Variants in TP53AIP1 observed in about 807,000 individuals in gnomAD.
The protein encoded by TP53AIP1 is tumor protein p53 regulated apoptosis inducing protein 1, also known as p53-regulated apoptosis-inducing protein 1.
In TP53AIP1, 14 loss-of-function variants were observed where a neutral mutation model predicts 9.5. The ratio of observed to expected loss-of-function variants is 1.47; its 90% CI spans 0.97 to 2.30. The LOEUF is 2.30. TP53AIP1 is among the 30% of genes most tolerant of loss of function. The pLI is 0.00. For synonymous variants in TP53AIP1, 73 were observed against 61.2 expected, an observed-to-expected ratio of 1.19 and a Z score of -0.90; for missense variants, 153 against 146.7, an observed-to-expected ratio of 1.04 and a Z score of -0.22.
Position 128,935,510 on chromosome 11 carries a change from T to TTCTG in TP53AIP1, c.*77_*80dup, listed in dbSNP as rs1944797239. On this transcript the variant is annotated 3_prime_UTR_variant, in exon 4 of 4. Coordinates refer to ENST00000531399, the MANE Select transcript of TP53AIP1 (RefSeq NM_022112.3). ...GCTGGAGCCATTTCTCGACGGTGCT[T>TTCTG]TCTGTTTGTTTGTTTGTTTTTGTTT... The TTCTG allele has an allele frequency of 3.6e-6, 5 of 1,390,638 alleles. No individual in the cohort carries two copies. The highest frequency in any genetic ancestry group is 1.4e-5 in the South Asian group (1 of 69,450). The allele number at this position is 1,390,638 out of a possible 1,614,324, so 86.1% of individuals were successfully genotyped here.
rs1944904492 is a variant in TP53AIP1, at chr11:128,939,709, C to T, written c.-76-1815G>A. Among the ~76,000 whole-genome samples the T allele has an allele frequency of 6.6e-6, 1 of 152,204 alleles. No homozygotes were observed. The highest frequency in any genetic ancestry group is 2.4e-5 in the African/African-American group (1 of 41,438). On this transcript the variant is annotated intron_variant, in intron 1 of 3. Coordinates refer to ENST00000531399, the MANE Select transcript of TP53AIP1 (RefSeq NM_022112.3). This position sits in a 1 kb window ranked among gnomAD's most constrained non-coding sequence, Gnocchi z 4.1. ...TCTTAATGCAAGAGGGACTGTGGCT[C>T]TTCTGGAAACACGATGCCTCGGTGC...
At chr11:128,940,839 C>T (rs919243353) in intron 1 of TP53AIP1, among the ~76,000 whole-genome samples, 2 of 152,306 alleles carry the variant, frequency 1.3e-5, no homozygotes, top group Admixed American at 6.5e-5. Context: ...TCTCGAGGGG[C>T]GTTCATGTCA....
Position 128,937,613 on chromosome 11 carries a change from G to C in TP53AIP1, c.141+65C>G, listed in dbSNP as rs1944854491. The C allele has an allele frequency of 1.2e-6, 2 of 1,614,056 alleles. No individual in the cohort carries two copies. Among genetic ancestry groups the C allele is most frequent in the Non-Finnish European group, 1.7e-6 (2 of 1,180,046 alleles). On this transcript the variant is annotated intron_variant, in intron 2 of 3. Transcript: ENST00000531399. This position sits in a 1 kb window ranked among gnomAD's most constrained non-coding sequence, Gnocchi z 4.8. ...ACTTGGGATGTCGGCACCACGGTGA[G>C]AGCAGAGTCTGCCCGGGGCTGTGGC...
rs888563483 is a variant in TP53AIP1 at position 128,939,477 on chromosome 11, C to T, written c.-76-1583G>A. ...GAGTTTGAGCTGGTGCCTACACCTC[C>T]GTCTTCCAGCCACTGAAAACAGGAT... On this transcript the variant is annotated intron_variant, in intron 1 of 3. Coordinates refer to ENST00000531399, the MANE Select transcript of TP53AIP1 (RefSeq NM_022112.3). This position sits in a 1 kb window ranked among gnomAD's most constrained non-coding sequence, Gnocchi z 4.1. Among the ~76,000 whole-genome samples the T allele has an allele frequency of 2.0e-5, 3 of 152,178 alleles. No homozygotes were observed. Among genetic ancestry groups the T allele is most frequent in the Admixed American group, 6.5e-5 (1 of 15,280 alleles).
intron 3 of TP53AIP1, chr11:128,936,329 A>T: frequency 7.3e-7 from 1 of 1,368,258 alleles, no homozygotes; most frequent in Admixed American, 3.4e-5. Context: ...GTGTACCGTT[A>T]CCTTTTATTT....
downstream of TP53AIP1, chr11:128,934,944 A>T (rs1298314062): frequency 1.4e-6 from 1 of 701,042 alleles, no homozygotes; most frequent in Non-Finnish European, 2.6e-6. Context: ...TTACACACCA[A>T]TGCTTTTCCC....
At chr11:128,938,516 T>C (rs1254440251) in intron 1 of TP53AIP1, among the ~76,000 whole-genome samples, 1 of 152,182 alleles carries the variant, frequency 6.6e-6, no homozygotes, top group Non-Finnish European at 1.5e-5. Flanking sequence ...CCAGGGAAGC[T>C]GGTGCCCTCA....
chr11:128,937,047 C>T lies in TP53AIP1; in HGVS notation c.142-398G>A, dbSNP rs930647636. On this transcript the variant is annotated intron_variant, in intron 2 of 3. Transcript: ENST00000531399. This position sits in a 1 kb window ranked among gnomAD's most constrained non-coding sequence, Gnocchi z 4.8. ...AGGGAGGTGTAGGCGCTCCTGGCTCCTGGCAGACTCCTGGCCCAGGCCTGG... is the reference window on the plus strand; with the variant it reads ...AGGGAGGTGTAGGCGCTCCTGGCTCTTGGCAGACTCCTGGCCCAGGCCTGG... 34 of 1,052,974 alleles carry T rather than the reference C, an allele frequency of 3.2e-5. No homozygotes were observed. Among genetic ancestry groups the T allele is most frequent in the Admixed American group, 1.5e-4 (3 of 20,404 alleles). 65.2% of individuals were successfully genotyped at this position (1,052,974 alleles called of 1,614,324 possible).
At chr11:128,934,899 G>A (rs1591461934), downstream of TP53AIP1, 1 of 682,706 alleles carries the variant, frequency 1.5e-6, no homozygotes. Context: ...GTAGACTATG[G>A]CTCAGCTGCA....
chr11:128,935,314 C>A, downstream of TP53AIP1: 3 of 1,417,558 alleles, frequency 2.1e-6, no homozygotes, highest in Non-Finnish European at 2.7e-6. Context: ...GGAGATGCAT[C>A]GTTTTTAGTT....
chr11:128,936,927 A>G, intron 2 of TP53AIP1: 1 of 1,204,976 alleles, frequency 8.3e-7, no homozygotes, highest in Non-Finnish European at 1.0e-6. Context: ...CCTCCCTCCC[A>G]TCACCACAGC....
Position 128,939,158 on chromosome 11 carries a change from G to A in TP53AIP1, c.-76-1264C>T, listed in dbSNP as rs914961986. On this transcript the variant is annotated intron_variant, in intron 1 of 3. Coordinates refer to ENST00000531399, the MANE Select transcript of TP53AIP1 (RefSeq NM_022112.3). The surrounding 1 kb of genome is among the most constrained non-coding windows in gnomAD (Gnocchi z 4.1). ...TACGAAAATGTAAAAGAACGAACACGGCTTCAATACCAGGATTGAGCCCAA... is the reference window on the plus strand; with the variant it reads ...TACGAAAATGTAAAAGAACGAACACAGCTTCAATACCAGGATTGAGCCCAA... 6.6e-6 allele frequency among the ~76,000 whole-genome samples: 1 copy of A among 152,244 alleles called. No homozygotes were observed. Among genetic ancestry groups the A allele is most frequent in the South Asian group, 2.1e-4 (1 of 4,820 alleles).
intron 1 of TP53AIP1, among the ~76,000 whole-genome samples, chr11:128,941,399 C>A (rs561737263): frequency 1.3e-5 from 2 of 152,210 alleles, no homozygotes; most frequent in African/African-American, 4.8e-5. Context: ...TGGGCCCCCA[C>A]ACATCTCAGT....
rs1565328845 is a variant in TP53AIP1 at position 128,935,512 on chromosome 11, C to CTGT, written c.*76_*78dup. On this transcript the variant is annotated 3_prime_UTR_variant, in exon 4 of 4. Transcript: ENST00000531399. Reference sequence around the variant, plus strand: ...TGGAGCCATTTCTCGACGGTGCTTTCTGTTTGTTTGTTTGTTTTTGTTTTG... The same window carrying CTGT: ...TGGAGCCATTTCTCGACGGTGCTTTCTGTTGTTTGTTTGTTTGTTTTTGTTTTG... 17 of 1,497,242 alleles carry CTGT rather than the reference C, an allele frequency of 1.1e-5. No homozygotes were observed. The highest frequency in any genetic ancestry group is 2.6e-5 in the South Asian group (2 of 76,668). 92.7% of individuals were successfully genotyped at this position (1,497,242 alleles called of 1,614,324 possible). A position where few individuals can be genotyped will look rare whatever the true frequency, so the allele number is the denominator to read the frequency against.
At position 128,937,495 on chromosome 11, in the gene TP53AIP1, G is replaced by A; in HGVS notation, c.141+183C>T. 1 of 1,583,068 alleles carries A rather than the reference G, an allele frequency of 6.3e-7. No individual in the cohort carries two copies. The highest frequency in any genetic ancestry group is 2.3e-5 in the East Asian group (1 of 44,342). On this transcript the variant is annotated intron_variant, in intron 2 of 3. Coordinates refer to ENST00000531399, the MANE Select transcript of TP53AIP1 (RefSeq NM_022112.3). The surrounding 1 kb of genome is among the most constrained non-coding windows in gnomAD (Gnocchi z 4.8). Reference sequence around the variant, plus strand: ...TTGGGACTATTGATCAGGGCTGTCAGTTCCCAGCTCTGTCCAATGCTCTGA... The same window carrying A: ...TTGGGACTATTGATCAGGGCTGTCAATTCCCAGCTCTGTCCAATGCTCTGA...
Position 128,935,622 on chromosome 11 carries a change from T to A in TP53AIP1, c.344A>T (p.Asp115Val). Residue 115 changes from aspartate (D) to valine (V), a missense_variant, in exon 4 of 4, where the codon GAT (aspartate) becomes GTT (valine). By Grantham distance (152) the Asp-to-Val change is radical (BLOSUM62 -3). Transcript: ENST00000531399. The part of the protein sequence containing the change: ...PLGSAFELSY[D>V]QKKAPLRLQ ...CAACCTCAACGGTGCTTTTTTCTGA[T>A]CATAGCTGAGCTCAAATGCTGACCC... The A allele has an allele frequency of 6.3e-7, 1 of 1,583,112 alleles. No individual in the cohort carries two copies. The highest frequency in any genetic ancestry group is 8.5e-7 in the Non-Finnish European group (1 of 1,172,366).
chr11:128,934,886 C>T (rs1003504378), downstream of TP53AIP1: 43 of 665,718 alleles, frequency 6.5e-5, no homozygotes, highest in Non-Finnish European at 8.2e-5. Flanking sequence ...TCGGAAGTGT[C>T]ATGTAGACTA....
At chr11:128,935,917 A>C in intron 3 of TP53AIP1, 1 of 1,307,246 alleles carries the variant, frequency 7.6e-7, no homozygotes, top group Non-Finnish European at 9.7e-7. Flanking sequence ...CAAATGGGCC[A>C]ACAAAAATGT....
At chr11:128,936,356 A>G (rs1460959785) in intron 3 of TP53AIP1, 182 bp downstream of exon 3, 2 of 1,391,822 alleles carry the variant, frequency 1.4e-6, no homozygotes, top group Non-Finnish European at 1.9e-6. Context: ...GAGAAATTAA[A>G]TAAAATACAT....
Sources: gnomAD v4.1 joint callset for allele counts (sites outside exome capture counted in the v4.1 genomes callset) on GRCh38, gnomAD v4.1.1 for gene constraint, Gnocchi (gnomAD v3.1) non-coding constraint, MANE v1.5 for transcripts, NCBI Gene and HGNC (gene_info 2026-07-23, HGNC 2026-07-21) for gene names.